Variants in SHANK2 observed in about 807,000 individuals in gnomAD.
The protein encoded by SHANK2 is SH3 and multiple ankyrin repeat domains protein 2.
A neutral mutation model predicts 133.7 loss-of-function variants in SHANK2; 43 were observed. That is an observed-to-expected ratio of 0.32 (90% confidence interval 0.25 to 0.41). SHANK2 has a LOEUF of 0.41. Ranked by LOEUF, SHANK2 falls within the 10% of genes least tolerant of loss-of-function variation. SHANK2 has a pLI of 1.00. For synonymous variants in SHANK2, 1,017 were observed against 952.8 expected (o/e 1.07, Z -1.24); for missense variants, 1,994 against 2,235.8 (o/e 0.89, Z 2.18).
chr11:70,944,347 G>A (rs574854259), intron 10 of SHANK2, among the ~76,000 whole-genome samples: 33 of 152,284 alleles, frequency 2.2e-4, no homozygotes, highest in Admixed American at 3.9e-4. Flanking sequence ...GCCTCTGCCC[G>A]GTGCCAGGGC....
chr11:70,674,309 A>C (rs1555016723), intron 15 of SHANK2, among the ~76,000 whole-genome samples: 2 of 152,104 alleles, frequency 1.3e-5, no homozygotes, highest in Non-Finnish European at 2.9e-5. Flanking sequence ...ATGCAGCTGA[A>C]CTAAGATAGA....
Position 70,658,784 on chromosome 11 carries a change from C to T in SHANK2, c.2061+1044G>A, listed in dbSNP as rs376755411. Reference sequence around the variant, plus strand: ...CTCACCACGGGTGGAGATGTGGGCTCCTCATTTACAGAATGAATGTCTGTC... The same window carrying T: ...CTCACCACGGGTGGAGATGTGGGCTTCTCATTTACAGAATGAATGTCTGTC... On this transcript the variant is annotated intron_variant, in intron 17 of 25. Transcript: ENST00000601538. Among the ~76,000 whole-genome samples the T allele has an allele frequency of 9.3e-4, 142 of 152,288 alleles. 6 individuals carry two copies. In the South Asian group the frequency reaches 0.028, roughly 30 times the overall value.
intron 17 of SHANK2, among the ~76,000 whole-genome samples, chr11:70,649,703 G>A (rs572036887): frequency 3.3e-5 from 5 of 152,282 alleles, no homozygotes; most frequent in East Asian, 3.9e-4. Flanking sequence ...AGGACCTGGC[G>A]CCAGCAGCTT....
intron 14 of SHANK2, among the ~76,000 whole-genome samples, chr11:70,742,525 A>G (rs1409988877): frequency 2.6e-5 from 4 of 152,218 alleles, no homozygotes; most frequent in Non-Finnish European, 4.4e-5. Flanking sequence ...GGGACGGGGA[A>G]TCCTAAGCAG....
At chr11:70,498,800 G>T (rs1392634923) in intron 21 of SHANK2, among the ~76,000 whole-genome samples, 1 of 152,176 alleles carries the variant, frequency 6.6e-6, no homozygotes, top group Non-Finnish European at 1.5e-5. Flanking sequence ...CCAAGGTCAG[G>T]CTCCTTCAGG....
In SHANK2 at chr11:70,569,773, G is replaced by C. The variant is rs144071576; in HGVS notation, c.2062-66842C>G. Among the ~76,000 whole-genome samples, 84 of 152,238 alleles carry C rather than the reference G, an allele frequency of 5.5e-4. No individual in the cohort carries two copies. In the East Asian group the frequency reaches 0.016, roughly 28 times the overall value. ...CTGGGGAAGATGCTCTCCTGTCCCT[G>C]GGGGGCTGTGATGCTGGCAGATGTG... On this transcript the variant is annotated intron_variant, in intron 17 of 25. Transcript: ENST00000601538. This position sits in a 1 kb window ranked among gnomAD's most constrained non-coding sequence, Gnocchi z 5.1.
chr11:70,908,482 C>T lies in SHANK2; in HGVS notation c.1108-11915G>A, dbSNP rs540182279. Among the ~76,000 whole-genome samples, 8 of 152,330 alleles carry T rather than the reference C, an allele frequency of 5.3e-5. No homozygotes were observed. In the East Asian group the frequency reaches 1.5e-3, roughly 29 times the overall value. Reference sequence around the variant, plus strand: ...CATGGGAGTGGCTGCACTTTTCTTCCTGCCACAGTTTCATTCTGCGATTTT... The same window carrying T: ...CATGGGAGTGGCTGCACTTTTCTTCTTGCCACAGTTTCATTCTGCGATTTT... On this transcript the variant is annotated intron_variant, in intron 10 of 25. Transcript: ENST00000601538.
chr11:70,758,458 A>G (rs771077300), intron 14 of SHANK2, among the ~76,000 whole-genome samples: 14 of 152,158 alleles, frequency 9.2e-5, no homozygotes, highest in Non-Finnish European at 1.8e-4. Flanking sequence ...GCTGCTCCCA[A>G]TTGGGCTAGA....
At chr11:70,568,095 C>G (rs2059990060) in intron 17 of SHANK2, among the ~76,000 whole-genome samples, 1 of 152,198 alleles carries the variant, frequency 6.6e-6, no homozygotes, top group Non-Finnish European at 1.5e-5. Context: ...GTGGTGGAGT[C>G]TGGCTCCGAT....
intron 14 of SHANK2, among the ~76,000 whole-genome samples, chr11:70,740,780 C>G (rs1555034569): frequency 1.3e-5 from 2 of 152,166 alleles, no homozygotes; most frequent in African/African-American, 4.8e-5. Flanking sequence ...CAGAGGGAGC[C>G]AGTCCTTGGA....
At chr11:70,498,881 G>C (rs1255442103) in intron 21 of SHANK2, among the ~76,000 whole-genome samples, 1 of 152,140 alleles carries the variant, frequency 6.6e-6, no homozygotes, top group African/African-American at 2.4e-5. Context: ...CACACCACTG[G>C]ATTTAGGGCC....
chr11:70,569,783 G>C lies in SHANK2; in HGVS notation c.2062-66852C>G, dbSNP rs1257801373. On this transcript the variant is annotated intron_variant, in intron 17 of 25. Coordinates refer to ENST00000601538, the MANE Select transcript of SHANK2 (RefSeq NM_012309.5). This position sits in a 1 kb window ranked among gnomAD's most constrained non-coding sequence, Gnocchi z 5.1. ...TGCTCTCCTGTCCCTGGGGGGCTGTGATGCTGGCAGATGTGTGAGCACGGA... is the reference window on the plus strand; with the variant it reads ...TGCTCTCCTGTCCCTGGGGGGCTGTCATGCTGGCAGATGTGTGAGCACGGA... Among the ~76,000 whole-genome samples the C allele has an allele frequency of 6.6e-6, 1 of 152,130 alleles. No homozygotes were observed. The highest frequency in any genetic ancestry group is 1.5e-5 in the Non-Finnish European group (1 of 68,010).
At chr11:70,712,268 T>C (rs1177336652) in intron 14 of SHANK2, among the ~76,000 whole-genome samples, 2 of 152,206 alleles carry the variant, frequency 1.3e-5, no homozygotes, top group Admixed American at 6.5e-5. Flanking sequence ...TTAAGGACCC[T>C]TGGGGTCACA....
At chr11:71,125,193 G>A (rs73521187) in intron 3 of SHANK2, among the ~76,000 whole-genome samples, 7,578 of 152,090 alleles carry the variant, frequency 0.05, 565 homozygotes, top group African/African-American at 0.17. Context: ...TAGCCCCTAC[G>A]TGTCCAAGTG....
At chr11:71,228,078 T>C (rs533550187) in intron 1 of SHANK2, among the ~76,000 whole-genome samples, 2 of 152,190 alleles carry the variant, frequency 1.3e-5, no homozygotes, top group South Asian at 4.1e-4. Flanking sequence ...GAGACACCAT[T>C]AAAGACCCTG....
At position 71,252,206 on chromosome 11, in the gene SHANK2, G is replaced by A. The variant is rs1948197062; in HGVS notation, c.-113+219C>T. ...GGGAAGAAAGGCATGCAGGGGGAAG[G>A]GCTCTCTACGGAAAATCGACCCCCA... On this transcript the variant is annotated intron_variant, in intron 1 of 25. Coordinates refer to ENST00000601538, the MANE Select transcript of SHANK2 (RefSeq NM_012309.5). The surrounding 1 kb of genome is among the most constrained non-coding windows in gnomAD (Gnocchi z 6.3). Among the ~76,000 whole-genome samples the A allele has an allele frequency of 6.6e-6, 1 of 152,098 alleles. No homozygotes were observed. The highest frequency in any genetic ancestry group is 2.1e-4 in the South Asian group (1 of 4,830).
chr11:70,600,160 T>C (rs1554990661), intron 17 of SHANK2, among the ~76,000 whole-genome samples: 1 of 152,104 alleles, frequency 6.6e-6, no homozygotes, highest in Non-Finnish European at 1.5e-5. Context: ...GGCTCACACC[T>C]GTAATCCCAG....
At chr11:70,492,096 G>A (rs561058034) in intron 22 of SHANK2, among the ~76,000 whole-genome samples, 22 of 152,222 alleles carry the variant, frequency 1.4e-4, no homozygotes, top group African/African-American at 5.3e-4. Context: ...GGACACCTTC[G>A]AGGCTCAGGG....
chr11:70,819,866 T>C (rs1417285476), intron 12 of SHANK2, among the ~76,000 whole-genome samples: 1 of 152,134 alleles, frequency 6.6e-6, no homozygotes, highest in South Asian at 2.1e-4. Context: ...AGCCGGCCTC[T>C]CCGGCCCCCA....
Sources: allele counts gnomAD v4.1 joint callset (sites outside exome capture counted in the v4.1 genomes callset), GRCh38; gene constraint gnomAD v4.1.1; non-coding constraint Gnocchi (gnomAD v3.1); transcripts MANE v1.5; gene names NCBI Gene and HGNC (gene_info 2026-07-23, HGNC 2026-07-21).